Variants in RUBCN observed in about 807,000 individuals in gnomAD.
RUBCN encodes rubicon autophagy regulator.
RUBCN carries 74 observed loss-of-function variants against 113.2 expected under a neutral mutation model. That is an observed-to-expected ratio of 0.65 (90% CI 0.54 to 0.79). The LOEUF is 0.79. Among genes scored for constraint, RUBCN ranks in the 30% least tolerant of loss-of-function variants. RUBCN has a pLI of 0.00. For synonymous variants in RUBCN, 480 were observed against 490.0 expected (o/e 0.98, Z 0.27); for missense variants, 1,109 against 1,251.7 (o/e 0.89, Z 1.72).
In RUBCN at chr3:197,683,960, C is replaced by T. The variant is rs916586017; in HGVS notation, c.1847+197G>A. ...TAACTCACTTCCAGCTTTGCCTCCA[C>T]GAGAGCCCATCCCACTGGGACCAAA... On this transcript the variant is annotated intron_variant, in intron 12 of 19. Transcript: ENST00000296343. This position sits in a 1 kb window ranked among gnomAD's most constrained non-coding sequence, Gnocchi z 4.6. 3.3e-5 allele frequency among the ~76,000 whole-genome samples: 5 copies of T among 152,154 alleles called. No homozygotes were observed. The highest frequency in any genetic ancestry group is 7.2e-5 in the African/African-American group (3 of 41,420).
intron 16 of RUBCN, 37 bp from the exon 17 acceptor site, chr3:197,677,578 G>A: frequency 6.3e-7 from 1 of 1,593,826 alleles, no homozygotes; most frequent in Non-Finnish European, 8.6e-7. Context: ...GTGGGAGGGA[G>A]ATGTGAGAAG....
At chr3:197,711,237 G>A (rs909605628) in intron 2 of RUBCN, among the ~76,000 whole-genome samples, 5 of 152,160 alleles carry the variant, frequency 3.3e-5, no homozygotes, top group Non-Finnish European at 7.3e-5. Flanking sequence ...TACGGTAAAG[G>A]GCAAAATTAT....
chr3:197,721,670 T>C (rs1243812271), intron 1 of RUBCN, among the ~76,000 whole-genome samples: 2 of 152,160 alleles, frequency 1.3e-5, no homozygotes, highest in Non-Finnish European at 2.9e-5. Context: ...TTCTAGTTTC[T>C]TGAGGTGCAA....
Position 197,694,549 on chromosome 3 carries a change from C to T in RUBCN, c.1510G>A (p.Ala504Thr), listed in dbSNP as rs1449950143. The change falls in exon 10 of 20, where the codon GCT (alanine) becomes ACT (threonine). Residue 504 changes from alanine to threonine, a missense_variant. Ala to Thr is a moderately conservative substitution (Grantham distance 58, BLOSUM62 0). Around this residue, in one of 3 missense-constraint regions of RUBCN, gnomAD observed 736 missense variants for 779.6 expected, o/e 0.94. Coordinates refer to ENST00000296343, the MANE Select transcript of RUBCN (RefSeq NM_014687.4). ...TTGCACTTCATTAGCTCGATGGCAG[C>T]AATTAAGGACTCTGAGATGCTGAAG... ...AHFSISESLI[A>T]AIELMKCNMM... 2 of 1,614,212 alleles carry T rather than the reference C, an allele frequency of 1.2e-6. No individual in the cohort carries two copies. Among genetic ancestry groups the T allele is most frequent in the Non-Finnish European group, 1.7e-6 (2 of 1,180,044 alleles).
At chr3:197,744,425 T>C (rs946361979) in intron 1 of RUBCN, among the ~76,000 whole-genome samples, 1 of 152,188 alleles carries the variant, frequency 6.6e-6, no homozygotes, top group African/African-American at 2.4e-5. Flanking sequence ...TGATAATCTC[T>C]AGATACAGAA....
Position 197,675,098 on chromosome 3 carries a change from G to A in RUBCN, c.2839C>T (p.Leu947=), listed in dbSNP as rs1329336445. The change falls in exon 20 of 20, where the codon CTG becomes TTG. Residue 947 remains leucine, a synonymous_variant. Coordinates refer to ENST00000296343, the MANE Select transcript of RUBCN (RefSeq NM_014687.4). The surrounding 1 kb of genome is among the most constrained non-coding windows in gnomAD (Gnocchi z 4.4). Reference sequence around the variant, plus strand: ...TCGTAGTCTGACAGGTAAGACTCCAGGCTCTGCCTGGCCAGTGCCTCCCGC... The same window carrying A: ...TCGTAGTCTGACAGGTAAGACTCCAAGCTCTGCCTGGCCAGTGCCTCCCGC... The part of the protein sequence containing the change: ...ARREALARQS[L]ESYLSDYEEE... 1 of 1,613,350 alleles carries A rather than the reference G, an allele frequency of 6.2e-7. No individual in the cohort carries two copies. The highest frequency in any genetic ancestry group is 1.3e-5 in the African/African-American group (1 of 74,930).
Position 197,675,713 on chromosome 3 carries a change from AGACAGGCACCAGCCGGAGAAGCTCC to A in RUBCN, c.2647-223_2647-199del, listed in dbSNP as rs999955504. Among the ~76,000 whole-genome samples the A allele has an allele frequency of 1.3e-5, 2 of 150,600 alleles. No individual in the cohort carries two copies. The highest frequency in any genetic ancestry group is 3.0e-5 in the Non-Finnish European group (2 of 67,318). On this transcript the variant is annotated intron_variant, in intron 18 of 19. Transcript: ENST00000296343. The surrounding 1 kb of genome is among the most constrained non-coding windows in gnomAD (Gnocchi z 4.4). ...TAGACAAAGCTTTAGGCAGAAGATC[AGACAGGCACCAGCCGGAGAAGCTCC>A]GACCCCCAGCGCGGCTCTCCATGAA...
upstream of RUBCN, among the ~76,000 whole-genome samples, chr3:197,739,160 T>C (rs548787918): frequency 6.6e-6 from 1 of 151,776 alleles, no homozygotes; most frequent in South Asian, 2.1e-4. Flanking sequence ...AGGCCGGTCT[T>C]GAACTCCCGA....
chr3:197,713,596 C>A (rs968847871), intron 2 of RUBCN, among the ~76,000 whole-genome samples: 4 of 152,042 alleles, frequency 2.6e-5, no homozygotes, highest in Non-Finnish European at 5.9e-5. Context: ...TGAAAGACAG[C>A]CAGACAGTAA....
chr3:197,705,199 A>T (rs147075089), intron 2 of RUBCN, 24 bp from the exon 3 acceptor site: 2 of 1,604,502 alleles, frequency 1.2e-6, no homozygotes, highest in African/African-American at 2.7e-5. Flanking sequence ...ACATACAATG[A>T]GCAAATCACG....
chr3:197,745,156 G>GCAC (rs1211993628), intron 1 of RUBCN, among the ~76,000 whole-genome samples: 1 of 151,842 alleles, frequency 6.6e-6, no homozygotes, highest in Non-Finnish European at 1.5e-5. Flanking sequence ...GTGGTGGCAC[G>GCAC]CACCTGTAGT....
chr3:197,684,338 T>C lies in RUBCN; in HGVS notation c.1787-121A>G, dbSNP rs1721599622. ...GGTAACAGCCAGGTGCCACACTCTA[T>C]GCAGGAGAAAGGAGCAGGTGAAGCT... On this transcript the variant is annotated intron_variant, in intron 11 of 19. Transcript: ENST00000296343. 1.4e-5 allele frequency: 11 copies of C among 800,042 alleles called. No individual in the cohort carries two copies. In the South Asian group the frequency reaches 1.5e-4, roughly 11 times the overall value. 49.6% of individuals were successfully genotyped at this position (800,042 alleles called of 1,614,324 possible). A position where few individuals can be genotyped will look rare whatever the true frequency, so the allele number is the denominator to read the frequency against.
upstream of RUBCN, among the ~76,000 whole-genome samples, chr3:197,740,884 G>A (rs1263479906): frequency 6.6e-6 from 1 of 152,136 alleles, no homozygotes; most frequent in East Asian, 1.9e-4. Context: ...GCCTCCCAAA[G>A]TGCTGGGATT....
At chr3:197,718,346 A>G (rs1272512165) in intron 1 of RUBCN, among the ~76,000 whole-genome samples, 1 of 152,222 alleles carries the variant, frequency 6.6e-6, no homozygotes, top group Non-Finnish European at 1.5e-5. Flanking sequence ...AAACCCTCAC[A>G]TTCAAATGGT....
At chr3:197,746,836 C>T (rs529864394) in intron 1 of RUBCN, among the ~76,000 whole-genome samples, 1 of 152,134 alleles carries the variant, frequency 6.6e-6, no homozygotes, top group African/African-American at 2.4e-5. Flanking sequence ...TGAATGCCCA[C>T]GTCCAGTCCA....
intron 1 of RUBCN, among the ~76,000 whole-genome samples, chr3:197,724,667 G>A (rs954276300): frequency 2.0e-5 from 3 of 152,334 alleles, no homozygotes; most frequent in Non-Finnish European, 4.4e-5. Flanking sequence ...ACATCCACAT[G>A]ATGGAATACC....
Position 197,681,776 on chromosome 3 carries a change from C to T in RUBCN, c.2191+59G>A, listed in dbSNP as rs373313375. ...GCCTTTGACACGCCACCTCTCCCTA[C>T]GTGTCGGGGAGGGTACAGAGCCTCT... On this transcript the variant is annotated intron_variant, in intron 15 of 19. Transcript: ENST00000296343. The surrounding 1 kb of genome is among the most constrained non-coding windows in gnomAD (Gnocchi z 5.5). 1.2e-5 allele frequency: 18 copies of T among 1,440,102 alleles called. No individual in the cohort carries two copies. The highest frequency in any genetic ancestry group is 7.0e-5 in the African/African-American group (5 of 71,494). 89.2% of individuals were successfully genotyped at this position (1,440,102 alleles called of 1,614,324 possible).
chr3:197,710,564 C>T (rs1724845405), intron 2 of RUBCN, among the ~76,000 whole-genome samples: 1 of 150,012 alleles, frequency 6.7e-6, no homozygotes, highest in Non-Finnish European at 1.5e-5. Context: ...TGTGCCATTG[C>T]ACTCCAGCCT....
At chr3:197,737,573 C>G (rs938759056), upstream of RUBCN, among the ~76,000 whole-genome samples, 1 of 151,934 alleles carries the variant, frequency 6.6e-6, no homozygotes, top group Non-Finnish European at 1.5e-5. Flanking sequence ...AAGGAGTGAG[C>G]AGCAGCATGG....
Sources: allele counts gnomAD v4.1 joint callset (sites outside exome capture counted in the v4.1 genomes callset), GRCh38; gene constraint gnomAD v4.1.1; regional missense constraint gnomAD v4.1.1; non-coding constraint Gnocchi (gnomAD v3.1); transcripts MANE v1.5; gene names NCBI Gene and HGNC (gene_info 2026-07-23, HGNC 2026-07-21).